The following TLN2 variants were observed in gnomAD, a reference collection of about 807,000 sequenced individuals.
The protein encoded by TLN2 is talin 2, also known as talin-2.
TLN2 carries 118 observed loss-of-function variants against 294.7 expected under a neutral mutation model. The ratio of observed to expected loss-of-function variants is 0.40; its 90% CI spans 0.34 to 0.47. TLN2 has a LOEUF of 0.47. Among genes scored for constraint, TLN2 ranks in the 20% least tolerant of loss-of-function variants. The pLI, the probability that TLN2 is intolerant of heterozygous loss-of-function variation, is 0.84. For missense variants in TLN2, 3,083 were observed against 3,282.2 expected (o/e 0.94, Z 1.48); for synonymous variants, 1,431 against 1,304.5 (o/e 1.10, Z -2.09).
At chr15:62,581,826 C>G (rs916685472) in intron 1 of TLN2, among the ~76,000 whole-genome samples, 7 of 151,900 alleles carry the variant, frequency 4.6e-5, no homozygotes, top group Non-Finnish European at 1.0e-4. Context: ...GGCAGATCAC[C>G]TGAGATTAGG....
At chr15:62,761,252 T>C (rs2062646514) in intron 37 of TLN2, among the ~76,000 whole-genome samples, 1 of 152,220 alleles carries the variant, frequency 6.6e-6, no homozygotes, top group African/African-American at 2.4e-5. Context: ...TAAAATACAA[T>C]ACGGTATGTT....
At chr15:62,485,655 C>T (rs894566740) in intron 1 of TLN2, among the ~76,000 whole-genome samples, 1 of 152,242 alleles carries the variant, frequency 6.6e-6, no homozygotes, top group Non-Finnish European at 1.5e-5. Context: ...CCCTCTCCCA[C>T]TCCCCTGCTT....
chr15:62,499,124 G>A (rs1036301349), intron 1 of TLN2, among the ~76,000 whole-genome samples: 2 of 151,958 alleles, frequency 1.3e-5, no homozygotes, highest in Non-Finnish European at 2.9e-5. Flanking sequence ...TTTTCAATCT[G>A]TTCTTTCTGC....
intron 1 of TLN2, among the ~76,000 whole-genome samples, chr15:62,398,497 T>G (rs1017415027): frequency 6.6e-6 from 1 of 152,144 alleles, no homozygotes; most frequent in African/African-American, 2.4e-5. Flanking sequence ...TGGAACAGTT[T>G]GGAGGGCTCA....
intron 6 of TLN2, among the ~76,000 whole-genome samples, chr15:62,652,844 A>G (rs1171692241): frequency 6.6e-6 from 1 of 152,232 alleles, no homozygotes; most frequent in Non-Finnish European, 1.5e-5. Context: ...TGTAGTGACA[A>G]TAACCCTGTG....
chr15:62,661,278 CTA>C (rs753693571), intron 9 of TLN2, among the ~76,000 whole-genome samples: 75 of 152,030 alleles, frequency 4.9e-4, no homozygotes, highest in Non-Finnish European at 8.5e-4. Flanking sequence ...TGTTAGTACA[CTA>C]TTTTTTCAAC....
At chr15:62,436,679 G>T (rs1466674058) in intron 1 of TLN2, among the ~76,000 whole-genome samples, 1 of 152,160 alleles carries the variant, frequency 6.6e-6, no homozygotes, top group Non-Finnish European at 1.5e-5. Flanking sequence ...TTGAAGAGTT[G>T]TGTATGGCTT....
At chr15:62,740,448 G>A in intron 31 of TLN2, 182 bp from the exon 32 acceptor site, 1 of 702,648 alleles carries the variant, frequency 1.4e-6, no homozygotes, top group East Asian at 2.6e-5. Context: ...CTGAGCATCT[G>A]TTTGGAGAAG....
chr15:62,541,163 A>C (rs1401130881), intron 1 of TLN2, among the ~76,000 whole-genome samples: 1 of 152,282 alleles, frequency 6.6e-6, no homozygotes, highest in Admixed American at 6.5e-5. Context: ...TACCTGTGTT[A>C]GGGGTATGAG....
intron 1 of TLN2, among the ~76,000 whole-genome samples, chr15:62,426,511 C>T (rs2034718178): frequency 6.6e-6 from 1 of 152,184 alleles, no homozygotes; most frequent in South Asian, 2.1e-4. Flanking sequence ...GTAATGTGGA[C>T]AAGAGCCTTT....
At chr15:62,598,878 T>A (rs1280328256) in intron 2 of TLN2, among the ~76,000 whole-genome samples, 1 of 152,106 alleles carries the variant, frequency 6.6e-6, no homozygotes, top group Non-Finnish European at 1.5e-5. Context: ...CCCTGGGCGA[T>A]GGGACCCGTG....
chr15:62,725,053 T>G lies in TLN2; in HGVS notation c.3204T>G (p.Asp1068Glu), dbSNP rs780324335. The G allele has an allele frequency of 6.2e-7, 1 of 1,613,430 alleles. No homozygotes were observed. Among genetic ancestry groups the G allele is most frequent in the Admixed American group, 1.7e-5 (1 of 59,988 alleles). ...TVQTLKNELQDAKMAAVESQL... is the reference protein window; with the variant it reads ...TVQTLKNELQEAKMAAVESQL... Reference sequence around the variant, plus strand: ...AGACGCTTAAGAATGAACTGCAGGATGCCAAGATGGCAGCCGTGGAGAGCC... The same window carrying G: ...AGACGCTTAAGAATGAACTGCAGGAGGCCAAGATGGCAGCCGTGGAGAGCC... Residue 1068 changes from aspartate (D) to glutamate (E), a missense_variant, in exon 27 of 59, where the codon GAT (aspartate) becomes GAG (glutamate). Transcript: ENST00000636159.
chr15:62,833,846 A>G (rs1008250638), intron 55 of TLN2: 3 of 527,456 alleles, frequency 5.7e-6, no homozygotes, highest in Non-Finnish European at 9.4e-6. Flanking sequence ...GCTTCTTGTT[A>G]AGGAAAGCAT....
intron 1 of TLN2, among the ~76,000 whole-genome samples, chr15:62,501,655 A>G (rs141639187): frequency 3.9e-5 from 6 of 152,322 alleles, no homozygotes; most frequent in Admixed American, 1.3e-4. Context: ...AATAGTCACA[A>G]TTAGAGGGAC....
chr15:62,633,653 C>T (rs963923561), intron 3 of TLN2, among the ~76,000 whole-genome samples: 1 of 152,218 alleles, frequency 6.6e-6, no homozygotes, highest in African/African-American at 2.4e-5. Context: ...TTACCACTTA[C>T]ATTTAACTGT....
At chr15:62,636,249 A>AATAGATAGATAGATAGATAG (rs57713976) in intron 3 of TLN2, among the ~76,000 whole-genome samples, 3,185 of 150,130 alleles carry the variant, frequency 0.021, 39 homozygotes, top group Non-Finnish European at 0.029. Context: ...GGGATACTGT[A>AATAGATAGATAGATAGATAG]ATAGATAGAT....
At chr15:62,753,560 T>C (rs1040964971) in intron 35 of TLN2, among the ~76,000 whole-genome samples, 2 of 152,244 alleles carry the variant, frequency 1.3e-5, no homozygotes, top group Non-Finnish European at 2.9e-5. Context: ...CTTTGTTCCA[T>C]GAGCCTGTGA....
chr15:62,448,077 C>T (rs1451408823), intron 1 of TLN2, among the ~76,000 whole-genome samples: 2 of 152,214 alleles, frequency 1.3e-5, no homozygotes, highest in Admixed American at 1.3e-4. Flanking sequence ...CAACAGGCCC[C>T]AACGCCTTGG....
intron 3 of TLN2, among the ~76,000 whole-genome samples, chr15:62,644,151 G>A (rs1175764735): frequency 1.4e-5 from 2 of 141,616 alleles, no homozygotes; most frequent in Admixed American, 7.2e-5. Context: ...TCTCCCCCGC[G>A]CCACCCACCG....
Sources: allele counts gnomAD v4.1 joint callset (sites outside exome capture counted in the v4.1 genomes callset), GRCh38; gene constraint gnomAD v4.1.1; transcripts MANE v1.5; gene names NCBI Gene and HGNC (gene_info 2026-07-23, HGNC 2026-07-21).